POFUT3: variants seen among roughly 807,000 people sequenced by gnomAD.
POFUT3 encodes the protein GDP-fucose protein O-fucosyltransferase 3.
At chr8:33,320,472 A>G in the POFUT3 span, among the ~76,000 whole-genome samples, 3 of 152,058 alleles carry the variant, frequency 2.0e-5, no homozygotes, top group Non-Finnish European at 4.4e-5. Context: ...ATCAAACACT[A>G]TTTGCAATGG....
chr8:33,442,077 G>A, the POFUT3 span, among the ~76,000 whole-genome samples: 1 of 151,500 alleles, frequency 6.6e-6, no homozygotes, highest in African/African-American at 2.4e-5. Flanking sequence ...AGCCTCCTGA[G>A]TAGCTGGGAT....
At chr8:33,319,317 T>TTA in the POFUT3 span, among the ~76,000 whole-genome samples, 2 of 43,008 alleles carry the variant, frequency 4.7e-5, no homozygotes, top group Non-Finnish European at 6.6e-5. Context: ...TAAATATATT[T>TTA]TATATATGTT....
chr8:33,372,331 A>G, the POFUT3 span: 1 of 1,255,426 alleles, frequency 8.0e-7, no homozygotes, highest in South Asian at 2.1e-5. Flanking sequence ...GGGTCCACAG[A>G]CACGGACATG....
chr8:33,357,944 A>T, the POFUT3 span, among the ~76,000 whole-genome samples: 1 of 152,278 alleles, frequency 6.6e-6, no homozygotes, highest in Admixed American at 6.5e-5. Flanking sequence ...AATCTACATT[A>T]TGGAATATTC....
At chr8:33,438,131 G>A in the POFUT3 span, among the ~76,000 whole-genome samples, 5 of 152,222 alleles carry the variant, frequency 3.3e-5, no homozygotes, top group African/African-American at 7.2e-5. Flanking sequence ...CATTTAGGTT[G>A]TTTATGCATC....
At chr8:33,327,036 C>A in the POFUT3 span, among the ~76,000 whole-genome samples, 1 of 152,152 alleles carries the variant, frequency 6.6e-6, no homozygotes, top group South Asian at 2.1e-4. Context: ...TCTCTGCGTC[C>A]CAAAGTGCTG....
At chr8:33,447,667 C>T in the POFUT3 span, among the ~76,000 whole-genome samples, 1 of 110,224 alleles carries the variant, frequency 9.1e-6, no homozygotes, top group Non-Finnish European at 2.0e-5. Context: ...TGATTCATCT[C>T]TAGGAAGAAG....
the POFUT3 span, among the ~76,000 whole-genome samples, chr8:33,365,061 A>G: frequency 6.6e-6 from 1 of 152,242 alleles, no homozygotes; most frequent in South Asian, 2.1e-4. Flanking sequence ...CAAAACAGAT[A>G]TATAGACCAA....
At chr8:33,443,407 C>T in the POFUT3 span, among the ~76,000 whole-genome samples, 1 of 152,208 alleles carries the variant, frequency 6.6e-6, no homozygotes, top group African/African-American at 2.4e-5. Context: ...CTCACTGCTC[C>T]AACGCTTTCA....
At chr8:33,417,937 A>G in the POFUT3 span, among the ~76,000 whole-genome samples, 2 of 152,150 alleles carry the variant, frequency 1.3e-5, no homozygotes. Context: ...GAACTCCCGC[A>G]ATCCTAGCCA....
chr8:33,452,660 T>C, the POFUT3 span: 8 of 145,938 alleles, frequency 5.5e-5, no homozygotes, highest in African/African-American at 2.0e-4. Context: ...CCTATTTGTC[T>C]AAATAACATA....
At chr8:33,405,831 A>G in the POFUT3 span, among the ~76,000 whole-genome samples, 1 of 152,218 alleles carries the variant, frequency 6.6e-6, no homozygotes, top group African/African-American at 2.4e-5. Context: ...AGTAAATAAT[A>G]AATAAAATTT....
the POFUT3 span, among the ~76,000 whole-genome samples, chr8:33,417,754 C>A: frequency 6.6e-6 from 1 of 151,976 alleles, no homozygotes; most frequent in Non-Finnish European, 1.5e-5. Context: ...GATAATCACA[C>A]TTCAAATAGA....
the POFUT3 span, among the ~76,000 whole-genome samples, chr8:33,326,891 T>C: frequency 6.6e-6 from 1 of 152,178 alleles, no homozygotes; most frequent in African/African-American, 2.4e-5. Context: ...GTCCTTCCAC[T>C]CAGCCTCTCA....
chr8:33,446,480 A>G, the POFUT3 span, among the ~76,000 whole-genome samples: 1 of 151,046 alleles, frequency 6.6e-6, no homozygotes, highest in Non-Finnish European at 1.5e-5. Flanking sequence ...AAATACTTGG[A>G]CAGTGTCCTT....
chr8:33,383,150 A>T, the POFUT3 span, among the ~76,000 whole-genome samples: 1 of 152,020 alleles, frequency 6.6e-6, no homozygotes, highest in Admixed American at 6.6e-5. Flanking sequence ...CTTAACACTC[A>T]GCTCAGTAAC....
chr8:33,415,292 A>G, the POFUT3 span, among the ~76,000 whole-genome samples: 1 of 152,108 alleles, frequency 6.6e-6, no homozygotes, highest in Non-Finnish European at 1.5e-5. Flanking sequence ...AAATAAACAA[A>G]TCTACAAGGA....
At chr8:33,338,631 A>G in the POFUT3 span, among the ~76,000 whole-genome samples, 1 of 152,190 alleles carries the variant, frequency 6.6e-6, no homozygotes, top group Non-Finnish European at 1.5e-5. Context: ...CCCAGCAGCA[A>G]TGAAATCACC....
chr8:33,432,513 A>C, the POFUT3 span, among the ~76,000 whole-genome samples: 1 of 152,096 alleles, frequency 6.6e-6, no homozygotes, highest in Non-Finnish European at 1.5e-5. Context: ...GTCTCTTTTA[A>C]TTTTTCCAGG....
Sources: gnomAD v4.1 joint callset for allele counts (sites outside exome capture counted in the v4.1 genomes callset) on GRCh38, gnomAD v4.1.1 for gene constraint, MANE v1.5 for transcripts, NCBI Gene and HGNC (gene_info 2026-07-23, HGNC 2026-07-21) for gene names.